PDE10A: variants seen among roughly 807,000 people sequenced by gnomAD.
The protein encoded by PDE10A is cAMP and cAMP-inhibited cGMP 3',5'-cyclic phosphodiesterase 10A.
In PDE10A, 39 loss-of-function variants were observed where a neutral mutation model predicts 97.7. The observed-to-expected ratio is 0.40, with a 90% confidence interval of 0.31 to 0.52. The LOEUF is 0.52. Among genes scored for constraint, PDE10A ranks in the 20% least tolerant of loss-of-function variants. The pLI is 0.56. For missense variants in PDE10A, 731 were observed against 1,047.8 expected, an observed-to-expected ratio of 0.70 and a Z score of 4.17; for synonymous variants, 371 against 376.8, an observed-to-expected ratio of 0.98 and a Z score of 0.18.
chr6:165,862,041 C>T (rs117655370), intron 1 of PDE10A, among the ~76,000 whole-genome samples: 1,997 of 152,330 alleles, frequency 0.013, 28 homozygotes, highest in Non-Finnish European at 0.017. Flanking sequence ...AGTCTCCTTC[C>T]AGCAGCCACT....
chr6:165,364,875 A>G (rs1355553725), intron 18 of PDE10A, among the ~76,000 whole-genome samples: 2 of 152,150 alleles, frequency 1.3e-5, no homozygotes, highest in Non-Finnish European at 2.9e-5. Flanking sequence ...CTACATCAAC[A>G]AGGAAACAAA....
At chr6:165,551,625 A>C (rs1784020313) in intron 1 of PDE10A, among the ~76,000 whole-genome samples, 1 of 152,202 alleles carries the variant, frequency 6.6e-6, no homozygotes, top group South Asian at 2.1e-4. Flanking sequence ...ATGAAGATAT[A>C]AGCCCAGGAT....
chr6:165,927,009 T>C (rs1782955173), intron 1 of PDE10A, among the ~76,000 whole-genome samples: 2 of 137,550 alleles, frequency 1.5e-5, no homozygotes, highest in African/African-American at 5.6e-5. Context: ...TTCTCACTTA[T>C]AAGTGGGAGT....
intron 21 of PDE10A, among the ~76,000 whole-genome samples, chr6:165,333,662 G>C (rs1246615013): frequency 6.6e-6 from 1 of 152,200 alleles, no homozygotes; most frequent in Non-Finnish European, 1.5e-5. Context: ...AAATTTTCTT[G>C]TTACAGTAAA....
At chr6:165,856,948 A>T (rs1045294584) in intron 1 of PDE10A, among the ~76,000 whole-genome samples, 4 of 152,250 alleles carry the variant, frequency 2.6e-5, no homozygotes, top group Non-Finnish European at 1.5e-5. Flanking sequence ...CCAACTAAAA[A>T]TCACACTCAC....
At chr6:165,508,732 G>C (rs561148173) in intron 2 of PDE10A, among the ~76,000 whole-genome samples, 2 of 151,892 alleles carry the variant, frequency 1.3e-5, no homozygotes, top group Admixed American at 1.3e-4. Flanking sequence ...CACTGCAAGA[G>C]GTATGCAGTG....
At chr6:165,696,661 T>C (rs1389544311) in intron 1 of PDE10A, among the ~76,000 whole-genome samples, 1 of 152,104 alleles carries the variant, frequency 6.6e-6, no homozygotes, top group Non-Finnish European at 1.5e-5. Context: ...ACCCATATAC[T>C]GGGGAGAAAA....
At chr6:165,489,390 G>C (rs1175859429) in intron 2 of PDE10A, among the ~76,000 whole-genome samples, 1 of 152,100 alleles carries the variant, frequency 6.6e-6, no homozygotes, top group Non-Finnish European at 1.5e-5. Context: ...CATTCCTAGG[G>C]GAAGGGGAAG....
chr6:165,837,404 C>T (rs1330227084), intron 1 of PDE10A, among the ~76,000 whole-genome samples: 3 of 152,148 alleles, frequency 2.0e-5, no homozygotes, highest in East Asian at 3.9e-4. Flanking sequence ...AGTTTTTTTT[C>T]CCTTTTCATT....
In PDE10A at chr6:165,339,314, C is replaced by T. The variant is rs1469535794; in HGVS notation, c.2940G>A (p.Met980Ile). ...GGACTTCATCCTTCTTGTCTCTGTC[C>T]ATCATAGGAATAGGCTGTATTCCCA... Reference protein sequence around the residue: ...KKLGIQPIPMMDRDKKDEVPQ... With the variant: ...KKLGIQPIPMIDRDKKDEVPQ... The change falls in exon 20 of 22, where the codon ATG becomes ATA. Residue 980 changes from methionine (M) to isoleucine (I), a missense_variant. Transcript: ENST00000539869. 1 of 1,606,724 alleles carries T rather than the reference C, an allele frequency of 6.2e-7. No individual in the cohort carries two copies. Among genetic ancestry groups the T allele is most frequent in the Non-Finnish European group, 8.5e-7 (1 of 1,173,730 alleles).
intron 1 of PDE10A, among the ~76,000 whole-genome samples, chr6:165,735,343 T>C (rs575045183): frequency 6.8e-6 from 1 of 147,506 alleles, no homozygotes; most frequent in Non-Finnish European, 1.5e-5. Flanking sequence ...GGTTAGTAGA[T>C]AGATGGGTAG....
At chr6:165,691,645 G>T (rs1309751314) in intron 1 of PDE10A, among the ~76,000 whole-genome samples, 7 of 151,480 alleles carry the variant, frequency 4.6e-5, no homozygotes, top group African/African-American at 1.7e-4. Context: ...CTGTTTCTCT[G>T]GAGAGTCCTG....
chr6:165,866,612 G>A (rs908064970), intron 1 of PDE10A, among the ~76,000 whole-genome samples: 5 of 149,032 alleles, frequency 3.4e-5, no homozygotes, highest in East Asian at 4.0e-4. Flanking sequence ...TCTCTTCACC[G>A]CAAATTATAG....
intron 2 of PDE10A, among the ~76,000 whole-genome samples, chr6:165,529,858 C>T (rs1280949007): frequency 6.6e-6 from 1 of 152,068 alleles, no homozygotes. Context: ...TGTATGGGTT[C>T]AAGTTGACAA....
At chr6:165,337,356 G>A (rs3799148) in intron 20 of PDE10A, among the ~76,000 whole-genome samples, 22,572 of 152,064 alleles carry the variant, frequency 0.15, 1,865 homozygotes, top group East Asian at 0.27. Context: ...CCAATTTCTC[G>A]AAAGTACTGA....
chr6:165,542,523 TA>T (rs1260439008), intron 2 of PDE10A, among the ~76,000 whole-genome samples: 1 of 151,594 alleles, frequency 6.6e-6, no homozygotes, highest in East Asian at 1.9e-4. Flanking sequence ...ACGATGTGCT[TA>T]AAATGCCAGG....
intron 1 of PDE10A, among the ~76,000 whole-genome samples, chr6:165,690,314 T>C (rs1187638230): frequency 6.6e-6 from 1 of 152,212 alleles, no homozygotes; most frequent in African/African-American, 2.4e-5. Flanking sequence ...TTTCTTTCAA[T>C]GAAAAAGAAA....
intron 3 of PDE10A, among the ~76,000 whole-genome samples, chr6:165,475,578 T>C (rs1444942677): frequency 6.6e-6 from 1 of 152,190 alleles, no homozygotes; most frequent in Admixed American, 6.5e-5. Flanking sequence ...CCAAGAAAAT[T>C]ACACTGTTGC....
At chr6:165,782,868 G>A (rs1778380757) in intron 1 of PDE10A, among the ~76,000 whole-genome samples, 1 of 152,126 alleles carries the variant, frequency 6.6e-6, no homozygotes, top group African/African-American at 2.4e-5. Flanking sequence ...ATTTCTGTAT[G>A]GGAACCGTGT....
Sources: allele counts gnomAD v4.1 joint callset (sites outside exome capture counted in the v4.1 genomes callset), GRCh38; gene constraint gnomAD v4.1.1; transcripts MANE v1.5; gene names NCBI Gene and HGNC (gene_info 2026-07-23, HGNC 2026-07-21).